ITGBL1: variants seen among roughly 807,000 people sequenced by gnomAD.
The protein encoded by ITGBL1 is integrin subunit beta like 1.
Under a neutral mutation model 68.5 loss-of-function variants are expected in ITGBL1, and 51 were observed. That is an observed-to-expected ratio of 0.74 (90% CI 0.59 to 0.94). ITGBL1 has a LOEUF of 0.94. ITGBL1 is among the 40% of genes least tolerant of loss of function. ITGBL1 has a pLI of 0.00. For missense variants in ITGBL1, 649 were observed against 647.4 expected (o/e 1.00, Z -0.03); for synonymous variants, 209 against 227.3 (o/e 0.92, Z 0.72).
In ITGBL1 at chr13:101,626,325, A is replaced by C. The variant is rs570055925; in HGVS notation, c.1015+28026A>C. On this transcript the variant is annotated intron_variant, in intron 7 of 10. Transcript: ENST00000376180. The stretch of plus-strand genomic sequence containing the variant: ...TGATCTATTAAGCACTTTGAAAATT[A>C]CACTACAATTTAATGGCACAGAAAA... 2.0e-5 allele frequency among the ~76,000 whole-genome samples: 3 copies of C among 152,324 alleles called. No homozygotes were observed. In the East Asian group the frequency reaches 5.8e-4, roughly 29 times the overall value.
At chr13:101,495,616 A>G (rs2048846786) in intron 2 of ITGBL1, among the ~76,000 whole-genome samples, 1 of 151,030 alleles carries the variant, frequency 6.6e-6, no homozygotes, top group Non-Finnish European at 1.5e-5. Context: ...AACTAGCAAA[A>G]GGGATTTTTT....
intron 2 of ITGBL1, among the ~76,000 whole-genome samples, chr13:101,482,880 C>T (rs940704554): frequency 3.3e-5 from 5 of 152,254 alleles, no homozygotes; most frequent in East Asian, 1.9e-4. Context: ...CACGCATCAA[C>T]GGGGGACTTG....
chr13:101,543,888 T>C (rs1594879635), intron 2 of ITGBL1, among the ~76,000 whole-genome samples: 1 of 152,208 alleles, frequency 6.6e-6, no homozygotes, highest in African/African-American at 2.4e-5. Flanking sequence ...TCTCGTGCCT[T>C]GGTTTTCAGC....
intron 7 of ITGBL1, among the ~76,000 whole-genome samples, chr13:101,611,918 C>T (rs889279449): frequency 6.6e-6 from 1 of 152,188 alleles, no homozygotes; most frequent in Non-Finnish European, 1.5e-5. Context: ...ATCTGACTAA[C>T]TACGTCTCAT....
intron 2 of ITGBL1, among the ~76,000 whole-genome samples, chr13:101,473,676 C>A (rs1352584383): frequency 6.6e-6 from 1 of 152,156 alleles, no homozygotes; most frequent in Non-Finnish European, 1.5e-5. Flanking sequence ...CCAGCCAGGG[C>A]AGCCAAGGGA....
intron 7 of ITGBL1, among the ~76,000 whole-genome samples, chr13:101,666,763 C>G (rs1855673902): frequency 2.6e-5 from 4 of 152,262 alleles, no homozygotes; most frequent in South Asian, 4.1e-4. Flanking sequence ...AGAGCAGTCA[C>G]CACCATCTTT....
intron 8 of ITGBL1, among the ~76,000 whole-genome samples, chr13:101,703,902 A>G (rs908624205): frequency 2.6e-5 from 4 of 152,148 alleles, no homozygotes; most frequent in Non-Finnish European, 5.9e-5. Flanking sequence ...AGGCAGCCAG[A>G]TTCTCTTATC....
chr13:101,481,046 A>G (rs2048613536), intron 2 of ITGBL1, among the ~76,000 whole-genome samples: 1 of 144,032 alleles, frequency 6.9e-6, no homozygotes, highest in African/African-American at 2.6e-5. Context: ...GTACTCATAT[A>G]TGTGTAACTA....
intron 7 of ITGBL1, among the ~76,000 whole-genome samples, chr13:101,618,143 A>G (rs2031439244): frequency 6.6e-6 from 1 of 152,190 alleles, no homozygotes; most frequent in Non-Finnish European, 1.5e-5. Context: ...TTTCTATGCT[A>G]TTAACTAGCT....
intron 7 of ITGBL1, among the ~76,000 whole-genome samples, chr13:101,643,958 C>G (rs1296726596): frequency 6.6e-6 from 1 of 152,182 alleles, no homozygotes; most frequent in Non-Finnish European, 1.5e-5. Flanking sequence ...GTGGCCCACA[C>G]AACGTTAGCT....
At chr13:101,612,061 A>C (rs2031154351) in intron 7 of ITGBL1, among the ~76,000 whole-genome samples, 1 of 152,112 alleles carries the variant, frequency 6.6e-6, no homozygotes, top group Non-Finnish European at 1.5e-5. Context: ...GATGGATGAG[A>C]TTTTGGTTCT....
chr13:101,682,637 C>A (rs1229604856), intron 7 of ITGBL1, among the ~76,000 whole-genome samples: 1 of 151,354 alleles, frequency 6.6e-6, no homozygotes, highest in Non-Finnish European at 1.5e-5. Flanking sequence ...CCCATTTTTG[C>A]CCTCAGTTCA....
At chr13:101,651,004 G>T (rs1252204804) in intron 7 of ITGBL1, among the ~76,000 whole-genome samples, 1 of 152,156 alleles carries the variant, frequency 6.6e-6, no homozygotes, top group Non-Finnish European at 1.5e-5. Context: ...TGGCTGCATA[G>T]TATTTCATGG....
chr13:101,458,790 C>G (rs2048279449), intron 2 of ITGBL1, among the ~76,000 whole-genome samples: 1 of 152,092 alleles, frequency 6.6e-6, no homozygotes. Flanking sequence ...TTATTTTGTA[C>G]TACACTTTTT....
At chr13:101,671,385 G>T (rs1203263994) in intron 7 of ITGBL1, among the ~76,000 whole-genome samples, 1 of 149,008 alleles carries the variant, frequency 6.7e-6, no homozygotes, top group Non-Finnish European at 1.5e-5. Flanking sequence ...TCCCTCTTAA[G>T]CTAATTATAA....
At chr13:101,472,416 T>A (rs995631958) in intron 2 of ITGBL1, among the ~76,000 whole-genome samples, 1 of 152,202 alleles carries the variant, frequency 6.6e-6, no homozygotes, top group Non-Finnish European at 1.5e-5. Context: ...TACTTTAATT[T>A]TCGTGCGTTT....
Position 101,453,944 on chromosome 13 carries a change from C to A in ITGBL1, c.160C>A (p.Pro54Thr). The change falls in exon 2 of 11, where the codon CCT becomes ACT. Residue 54 changes from proline to threonine, a missense_variant. Physicochemically the swap from Pro to Thr is conservative, Grantham distance 38. Coordinates refer to ENST00000376180, the MANE Select transcript of ITGBL1 (RefSeq NM_004791.3). ...CGAGTCGGAGCGACGCTGCCGCGCACCTGGGCAGCCCCCGGGGGCCGCGCT... is the reference window on the plus strand; with the variant it reads ...CGAGTCGGAGCGACGCTGCCGCGCAACTGGGCAGCCCCCGGGGGCCGCGCT... ...RAESERRCRA[P>T]GQPPGAALCH... 1 of 1,460,366 alleles carries A rather than the reference C, an allele frequency of 6.8e-7. No individual in the cohort carries two copies. 90.5% of individuals were successfully genotyped at this position (1,460,366 alleles called of 1,614,324 possible).
At chr13:101,681,061 A>G (rs1225039450) in intron 7 of ITGBL1, among the ~76,000 whole-genome samples, 2 of 152,132 alleles carry the variant, frequency 1.3e-5, no homozygotes, top group Non-Finnish European at 2.9e-5. Flanking sequence ...TTTGTATCTC[A>G]ATATCTAGCA....
chr13:101,704,837 GT>G (rs1204923599), intron 8 of ITGBL1, among the ~76,000 whole-genome samples: 3 of 152,076 alleles, frequency 2.0e-5, no homozygotes, highest in African/African-American at 7.3e-5. Context: ...CAGTTTTTGG[GT>G]TTTTTGTTTG....
Sources: gnomAD v4.1 joint callset for allele counts (sites outside exome capture counted in the v4.1 genomes callset) on GRCh38, gnomAD v4.1.1 for gene constraint, MANE v1.5 for transcripts, NCBI Gene and HGNC (gene_info 2026-07-23, HGNC 2026-07-21) for gene names.